Variants in RIC1 observed in about 807,000 individuals in gnomAD.
RIC1 encodes the protein guanine nucleotide exchange factor subunit RIC1.
RIC1 carries 88 observed loss-of-function variants against 169.0 expected under a neutral mutation model. The ratio of observed to expected loss-of-function variants is 0.52; its 90% CI spans 0.44 to 0.62. RIC1 has a LOEUF of 0.62. Ranked by LOEUF, RIC1 falls within the 20% of genes least tolerant of loss-of-function variation. The pLI is 0.00. For synonymous variants in RIC1, 790 were observed against 601.5 expected (o/e 1.31, Z -4.59); for missense variants, 1,877 against 1,725.5 (o/e 1.09, Z -1.56).
At chr9:5,698,309 T>C (rs1205497189) in intron 3 of RIC1, among the ~76,000 whole-genome samples, 4 of 152,170 alleles carry the variant, frequency 2.6e-5, no homozygotes, top group African/African-American at 9.7e-5. Flanking sequence ...GGTATTGTGG[T>C]TTGATTTTTG....
chr9:5,678,786 C>T (rs1171551102), intron 2 of RIC1, among the ~76,000 whole-genome samples: 157 of 150,928 alleles, frequency 1.0e-3, no homozygotes, highest in African/African-American at 3.4e-3. Context: ...TTTTCCCATT[C>T]TGTAGGTTGC....
Position 5,747,199 on chromosome 9 carries a change from C to T in RIC1, c.1249-103C>T, listed in dbSNP as rs1825428404. On this transcript the variant is annotated intron_variant, in intron 11 of 25. Coordinates refer to ENST00000414202, the MANE Select transcript of RIC1 (RefSeq NM_020829.4). Reference sequence around the variant, plus strand: ...CAACATCGAGATACATGTACATTTCCTATAATAAAACTAAATCGATGTGTT... The same window carrying T: ...CAACATCGAGATACATGTACATTTCTTATAATAAAACTAAATCGATGTGTT... 3 of 822,498 alleles carry T rather than the reference C, an allele frequency of 3.6e-6. No individual in the cohort carries two copies. The Admixed American group carries it at 6.7e-5, about 18-fold the overall frequency. The allele number at this position is 822,498 out of a possible 1,614,324, so 50.9% of individuals were successfully genotyped here.
intron 1 of RIC1, among the ~76,000 whole-genome samples, chr9:5,642,248 C>T (rs750285680): frequency 8.3e-5 from 12 of 144,962 alleles, no homozygotes; most frequent in Non-Finnish European, 1.8e-4. Context: ...TGGAGTCTCT[C>T]TCTGTGCTGA....
chr9:5,764,452 T>G lies in RIC1; in HGVS notation c.2841+584T>G, dbSNP rs185494391. ...TGGCTTCTTTGCAACTCCTGAAAAT[T>G]TATTTCATTAGCTATTTGACAAAAG... On this transcript the variant is annotated intron_variant, in intron 19 of 25. Transcript: ENST00000414202. Among the ~76,000 whole-genome samples, 441 of 152,314 alleles carry G rather than the reference T, an allele frequency of 2.9e-3. 3 individuals are homozygous for G. Among genetic ancestry groups the G allele is most frequent in the African/African-American group, 0.01 (419 of 41,570 alleles).
chr9:5,699,239 G>A (rs1324418003), intron 3 of RIC1, among the ~76,000 whole-genome samples: 1 of 152,188 alleles, frequency 6.6e-6, no homozygotes, highest in African/African-American at 2.4e-5. Flanking sequence ...GTGTAGTACT[G>A]TAGTTTCCTC....
At chr9:5,768,868 T>C (rs1826989950) in intron 21 of RIC1, 102 bp from the exon 22 acceptor site, 4 of 1,246,436 alleles carry the variant, frequency 3.2e-6, no homozygotes, top group South Asian at 1.5e-5. Flanking sequence ...AGATCTTGGA[T>C]CTCTTATCTC....
intron 12 of RIC1, among the ~76,000 whole-genome samples, chr9:5,752,604 T>C (rs1563950810): frequency 6.6e-6 from 1 of 151,758 alleles, no homozygotes; most frequent in Non-Finnish European, 1.5e-5. Flanking sequence ...TCATGCACGG[T>C]TTCGTATTTT....
At chr9:5,740,566 A>T (rs10815277) in intron 8 of RIC1, among the ~76,000 whole-genome samples, 48,132 of 151,180 alleles carry the variant, frequency 0.32, 8,554 homozygotes, top group East Asian at 0.6. Context: ...AAGGAGAGCC[A>T]GTCCGAGTTC....
At chr9:5,744,859 C>A (rs1018991736) in intron 10 of RIC1, among the ~76,000 whole-genome samples, 13 of 152,136 alleles carry the variant, frequency 8.5e-5, no homozygotes, top group African/African-American at 3.1e-4. Flanking sequence ...CTTGCTATAG[C>A]CCCTCTGCAT....
Position 5,685,332 on chromosome 9 carries a change from C to T in RIC1, c.253-4627C>T, listed in dbSNP as rs1206895265. On this transcript the variant is annotated intron_variant, in intron 2 of 25. Coordinates refer to ENST00000414202, the MANE Select transcript of RIC1 (RefSeq NM_020829.4). Reference sequence around the variant, plus strand: ...CCGCATCGCCAAGTCAATCCTAAGCCAAAAGAACAAAGCTGGAGGCATCAC... The same window carrying T: ...CCGCATCGCCAAGTCAATCCTAAGCTAAAAGAACAAAGCTGGAGGCATCAC... 2.0e-5 allele frequency among the ~76,000 whole-genome samples: 3 copies of T among 151,274 alleles called. 1 individual carries two copies. The East Asian group carries it at 5.8e-4, about 29-fold the overall frequency.
At chr9:5,674,510 C>A (rs1820321686) in intron 2 of RIC1, among the ~76,000 whole-genome samples, 1 of 152,048 alleles carries the variant, frequency 6.6e-6, no homozygotes, top group Non-Finnish European at 1.5e-5. Flanking sequence ...CTCAGGACCC[C>A]AATTCACCAC....
chr9:5,777,413 A>C (rs1248135647), downstream of RIC1, among the ~76,000 whole-genome samples: 1 of 151,884 alleles, frequency 6.6e-6, no homozygotes, highest in Non-Finnish European at 1.5e-5. Context: ...TAAAAAAAAA[A>C]AACAAATTGA....
rs185641216 is a variant in RIC1 at position 5,702,708 on chromosome 9, T to C, written c.333-11188T>C. On this transcript the variant is annotated intron_variant, in intron 3 of 25. Coordinates refer to ENST00000414202, the MANE Select transcript of RIC1 (RefSeq NM_020829.4). ...CACACGCCGCCATGCCCGGCTAATTTTTTTTGTGTGTGTATTTTAGTGGAG... is the reference window on the plus strand; with the variant it reads ...CACACGCCGCCATGCCCGGCTAATTCTTTTTGTGTGTGTATTTTAGTGGAG... Among the ~76,000 whole-genome samples the C allele has an allele frequency of 7.2e-5, 11 of 152,176 alleles. No individual in the cohort carries two copies. The East Asian group carries it at 2.1e-3, about 29-fold the overall frequency.
rs189533611 is a variant in RIC1 at position 5,728,734 on chromosome 9, G to A, written c.721-3654G>A. 3.4e-3 allele frequency among the ~76,000 whole-genome samples: 524 copies of A among 152,260 alleles called. 1 individual carries two copies. The highest frequency in any genetic ancestry group is 0.014 in the Middle Eastern group (4 of 294). Reference sequence around the variant, plus strand: ...CTTCTGGCCTGCTCCAAATTAGACTGCTTGCTTACTATAATCTTTAACACA... The same window carrying A: ...CTTCTGGCCTGCTCCAAATTAGACTACTTGCTTACTATAATCTTTAACACA... On this transcript the variant is annotated intron_variant, in intron 6 of 25. Transcript: ENST00000414202.
chr9:5,652,506 T>G (rs1818860394), intron 1 of RIC1, among the ~76,000 whole-genome samples: 2 of 152,226 alleles, frequency 1.3e-5, no homozygotes, highest in South Asian at 2.1e-4. Flanking sequence ...TTTCAGCTAA[T>G]TCACTATTAG....
intron 2 of RIC1, among the ~76,000 whole-genome samples, chr9:5,658,409 G>A (rs1015310819): frequency 3.3e-5 from 5 of 152,044 alleles, no homozygotes; most frequent in African/African-American, 1.2e-4. Flanking sequence ...ATATGAAAAT[G>A]AAAGTGCAGT....
intron 12 of RIC1, among the ~76,000 whole-genome samples, 154 bp from the exon 13 acceptor site, chr9:5,753,046 C>T (rs1364872017): frequency 6.6e-6 from 1 of 152,180 alleles, no homozygotes; most frequent in Non-Finnish European, 1.5e-5. Context: ...AACATTGATT[C>T]ATATACAAAT....
In RIC1 at chr9:5,771,043, A is replaced by G. The variant is rs116697603; in HGVS notation, c.3616+765A>G. 8.4e-3 allele frequency among the ~76,000 whole-genome samples: 1,273 copies of G among 152,338 alleles called. 27 individuals carry two copies. Among genetic ancestry groups the G allele is most frequent in the African/African-American group, 0.029 (1,213 of 41,572 alleles). ...GCTTCTGCTATGTGAGGAGGCTTAC[A>G]GATCTCATTAGTTTTGTTTTAAATT... On this transcript the variant is annotated intron_variant, in intron 23 of 25. Transcript: ENST00000414202.
chr9:5,767,168 T>G (rs558868794), intron 21 of RIC1, among the ~76,000 whole-genome samples: 1 of 152,364 alleles, frequency 6.6e-6, no homozygotes, highest in South Asian at 2.1e-4. Flanking sequence ...AGTCGTAATT[T>G]TACCTTTCCT....
Sources: gnomAD v4.1 joint callset for allele counts (sites outside exome capture counted in the v4.1 genomes callset) on GRCh38, gnomAD v4.1.1 for gene constraint, MANE v1.5 for transcripts, NCBI Gene and HGNC (gene_info 2026-07-23, HGNC 2026-07-21) for gene names.